Variants in PTPRO observed in about 807,000 individuals in gnomAD.
The protein encoded by PTPRO is receptor-type tyrosine-protein phosphatase O.
Under a neutral mutation model 145.2 loss-of-function variants are expected in PTPRO, and 62 were observed. The observed-to-expected ratio is 0.43, with a 90% CI of 0.35 to 0.53. The LOEUF (loss-of-function observed/expected upper bound fraction) is 0.53, where lower values mean the gene tolerates loss of function less well. Among genes scored for constraint, PTPRO ranks in the 20% least tolerant of loss-of-function variants. The probability of loss-of-function intolerance (pLI) is 0.01; values close to 1 mark genes in which losing one functional copy is unlikely to be tolerated. For synonymous variants in PTPRO, 565 were observed against 514.7 expected, an observed-to-expected ratio of 1.10 and a Z score of -1.32; for missense variants, 1,345 against 1,482.7, an observed-to-expected ratio of 0.91 and a Z score of 1.53.
intron 17 of PTPRO, among the ~76,000 whole-genome samples, chr12:15,563,607 A>G (rs554717570): frequency 6.6e-6 from 1 of 152,242 alleles, no homozygotes; most frequent in South Asian, 2.1e-4. Context: ...CAAAACATGT[A>G]GTGGAATTAT....
intron 1 of PTPRO, among the ~76,000 whole-genome samples, chr12:15,324,013 A>AT (rs1358433628): frequency 6.6e-6 from 1 of 152,180 alleles, no homozygotes; most frequent in East Asian, 1.9e-4. Flanking sequence ...ATGTTTTAAC[A>AT]TTTTTTCTTA....
intron 1 of PTPRO, among the ~76,000 whole-genome samples, chr12:15,370,475 T>A (rs185142795): frequency 6.6e-6 from 1 of 152,192 alleles, no homozygotes; most frequent in Non-Finnish European, 1.5e-5. Context: ...AATTTAATTA[T>A]AGCATATAGA....
At position 15,503,926 on chromosome 12, in the gene PTPRO, T is replaced by A; in HGVS notation, c.1124T>A (p.Leu375Ter). The A allele has an allele frequency of 6.3e-7, 1 of 1,580,776 alleles. No homozygotes were observed. Among genetic ancestry groups the A allele is most frequent in the Non-Finnish European group, 8.7e-7 (1 of 1,150,234 alleles). ...IEREENFTEYLMVDEEAHEFV... is the reference protein window; with the variant it reads ...IEREENFTEY ...GATTTAGAGAACTTTACTGAATATTTGATGGTGGATGAAGAAGCACATGAA... is the reference window on the plus strand; with the variant it reads ...GATTTAGAGAACTTTACTGAATATTAGATGGTGGATGAAGAAGCACATGAA... Residue 375 changes from leucine (L) to a stop codon, truncating the protein, a stop_gained, in exon 6 of 27, where the codon TTG (leucine) becomes TAG (stop). Transcript: ENST00000281171. LOFTEE classifies it high-confidence loss of function.
At chr12:15,541,968 G>A (rs889584245) in intron 12 of PTPRO, among the ~76,000 whole-genome samples, 2 of 151,924 alleles carry the variant, frequency 1.3e-5, no homozygotes, top group Non-Finnish European at 2.9e-5. Flanking sequence ...CCAAGATCAT[G>A]CCACTGCACT....
chr12:15,502,645 T>C (rs1308910594), intron 5 of PTPRO, among the ~76,000 whole-genome samples: 3 of 152,170 alleles, frequency 2.0e-5, no homozygotes, highest in Non-Finnish European at 2.9e-5. Flanking sequence ...ATAGCTACTA[T>C]ATTATATTTT....
At chr12:15,434,514 T>C in intron 1 of PTPRO, among the ~76,000 whole-genome samples, 1 of 152,184 alleles carries the variant, frequency 6.6e-6, no homozygotes, top group Non-Finnish European at 1.5e-5. Flanking sequence ...AGTTTACAAA[T>C]CCACTTGGCC....
intron 2 of PTPRO, among the ~76,000 whole-genome samples, chr12:15,492,849 G>C (rs1465671603): frequency 6.6e-6 from 1 of 151,982 alleles, no homozygotes; most frequent in Admixed American, 6.6e-5. Context: ...TAGCTAAGAA[G>C]GCTTAAGAAT....
At chr12:15,403,505 C>T (rs1939559541) in intron 1 of PTPRO, among the ~76,000 whole-genome samples, 1 of 152,068 alleles carries the variant, frequency 6.6e-6, no homozygotes. Flanking sequence ...ATGGCGTGAA[C>T]CCGGCAGGCG....
At chr12:15,493,006 G>A (rs570357563) in intron 2 of PTPRO, among the ~76,000 whole-genome samples, 2 of 152,052 alleles carry the variant, frequency 1.3e-5, no homozygotes, top group South Asian at 2.1e-4. Flanking sequence ...CTAAAACTAC[G>A]CCTAAATATA....
chr12:15,371,636 A>G (rs1165523115), intron 1 of PTPRO, among the ~76,000 whole-genome samples: 1 of 152,154 alleles, frequency 6.6e-6, no homozygotes, highest in African/African-American at 2.4e-5. Context: ...TTGTGATTTT[A>G]TTACGTGTAT....
chr12:15,328,426 A>T (rs1866509520), intron 1 of PTPRO, among the ~76,000 whole-genome samples: 1 of 152,186 alleles, frequency 6.6e-6, no homozygotes, highest in South Asian at 2.1e-4. Context: ...TGAATATTTT[A>T]AAACCACCAA....
At chr12:15,475,983 C>T (rs1469666928) in intron 1 of PTPRO, among the ~76,000 whole-genome samples, 1 of 151,934 alleles carries the variant, frequency 6.6e-6, no homozygotes, top group Non-Finnish European at 1.5e-5. Context: ...AGTCTGTCTA[C>T]AGAGGATTGT....
intron 1 of PTPRO, among the ~76,000 whole-genome samples, chr12:15,471,789 G>A (rs1334938507): frequency 2.0e-5 from 3 of 152,158 alleles, no homozygotes; most frequent in Admixed American, 6.5e-5. Flanking sequence ...CATAAATAAT[G>A]GAAGACTAGA....
At chr12:15,444,061 T>C (rs1436037033) in intron 1 of PTPRO, among the ~76,000 whole-genome samples, 14 of 151,476 alleles carry the variant, frequency 9.2e-5, no homozygotes, top group Admixed American at 9.2e-4. Flanking sequence ...CTATTTGTGA[T>C]AACAACATCA....
rs1458622753 is a variant in PTPRO at position 15,551,610 on chromosome 12, T to C, written c.2497T>C (p.Leu833=). The change falls in exon 15 of 27, where the codon TTA becomes CTA. Residue 833 remains leucine (L), a synonymous_variant. Transcript: ENST00000281171. ...ISVLAILSTL[L]IGLLLVTLII... The stretch of plus-strand genomic sequence containing the variant: ...CGTGCTGGCCATCCTTAGCACACTT[T>C]TAATTGGACTGTTGCTTGTTACCCT... 6.2e-7 allele frequency: 1 copy of C among 1,613,684 alleles called. No individual in the cohort carries two copies. Among genetic ancestry groups the C allele is most frequent in the Non-Finnish European group, 8.5e-7 (1 of 1,179,710 alleles).
intron 1 of PTPRO, among the ~76,000 whole-genome samples, chr12:15,448,004 A>G (rs1940945839): frequency 6.6e-6 from 1 of 152,184 alleles, no homozygotes; most frequent in African/African-American, 2.4e-5. Context: ...TCATTGAGAT[A>G]GAGTGATTTC....
At chr12:15,428,713 AT>A (rs1940351375) in intron 1 of PTPRO, among the ~76,000 whole-genome samples, 1 of 152,176 alleles carries the variant, frequency 6.6e-6, no homozygotes, top group Non-Finnish European at 1.5e-5. Flanking sequence ...GTAAGCGGTC[AT>A]CCAAGCCTGG....
chr12:15,471,718 C>T (rs1941546692), intron 1 of PTPRO, among the ~76,000 whole-genome samples: 1 of 152,126 alleles, frequency 6.6e-6, no homozygotes, highest in African/African-American at 2.4e-5. Context: ...AGGGTATCCC[C>T]AGTGTTCTGC....
intron 1 of PTPRO, among the ~76,000 whole-genome samples, chr12:15,456,576 T>C (rs1941183428): frequency 6.6e-6 from 1 of 152,210 alleles, no homozygotes; most frequent in Admixed American, 6.5e-5. Flanking sequence ...TTTAAATGTT[T>C]GGTAGGAGTC....
Sources: gnomAD v4.1 joint callset for allele counts (sites outside exome capture counted in the v4.1 genomes callset) on GRCh38, gnomAD v4.1.1 for gene constraint, MANE v1.5 for transcripts, NCBI Gene and HGNC (gene_info 2026-07-23, HGNC 2026-07-21) for gene names.